PARD3B: variants seen among roughly 807,000 people sequenced by gnomAD.
PARD3B encodes the protein par-3 family cell polarity regulator beta, also known as partitioning defective 3 homolog B.
In PARD3B, 103 loss-of-function variants were observed where a neutral mutation model predicts 130.2. That is an observed-to-expected ratio of 0.79 (90% CI 0.67 to 0.93). The LOEUF (loss-of-function observed/expected upper bound fraction) is 0.93. Ranked by LOEUF, PARD3B falls within the 40% of genes least tolerant of loss-of-function variation. The pLI is 0.00. For missense variants in PARD3B, 1,609 were observed against 1,499.2 expected, an observed-to-expected ratio of 1.07 and a Z score of -1.21; for synonymous variants, 583 against 553.2, an observed-to-expected ratio of 1.05 and a Z score of -0.76.
intron 4 of PARD3B, among the ~76,000 whole-genome samples, chr2:205,068,127 TG>T (rs1434907430): frequency 6.6e-6 from 1 of 152,226 alleles, no homozygotes; most frequent in African/African-American, 2.4e-5. Context: ...TATGAACACC[TG>T]TTCAGTCTGG....
chr2:204,620,415 C>G (rs926583788), intron 1 of PARD3B, among the ~76,000 whole-genome samples: 2 of 152,334 alleles, frequency 1.3e-5, no homozygotes, highest in South Asian at 4.2e-4. Context: ...TTAAAGGCTA[C>G]AGCCCAGAAG....
intron 2 of PARD3B, among the ~76,000 whole-genome samples, chr2:204,737,400 G>A (rs1029606515): frequency 6.6e-6 from 1 of 152,156 alleles, no homozygotes. Flanking sequence ...TTTGAGAAAT[G>A]TCTATGTCTT....
chr2:205,607,453 C>T (rs1422471876), intron 22 of PARD3B, among the ~76,000 whole-genome samples: 1 of 152,118 alleles, frequency 6.6e-6, no homozygotes, highest in Non-Finnish European at 1.5e-5. Flanking sequence ...TGGGCTCTGC[C>T]ACTACCAGTG....
chr2:204,802,481 T>G (rs979989650), intron 2 of PARD3B, among the ~76,000 whole-genome samples: 1 of 152,090 alleles, frequency 6.6e-6, no homozygotes, highest in South Asian at 2.1e-4. Flanking sequence ...CCCAGCAATC[T>G]CATTACTGGG....
At chr2:204,821,308 C>T (rs2043342560) in intron 2 of PARD3B, among the ~76,000 whole-genome samples, 2 of 151,918 alleles carry the variant, frequency 1.3e-5, no homozygotes, top group South Asian at 4.2e-4. Context: ...CCCAAATGTC[C>T]AACAATGATA....
chr2:204,978,286 A>G (rs1398470186), intron 3 of PARD3B, among the ~76,000 whole-genome samples: 2 of 152,204 alleles, frequency 1.3e-5, no homozygotes, highest in Non-Finnish European at 2.9e-5. Context: ...ACACAGATCA[A>G]TAATGCTTTT....
At chr2:205,097,996 T>G (rs1702504820) in intron 4 of PARD3B, among the ~76,000 whole-genome samples, 1 of 152,184 alleles carries the variant, frequency 6.6e-6, no homozygotes, top group African/African-American at 2.4e-5. Flanking sequence ...TAACAGTGTT[T>G]AACAATCAAA....
chr2:204,667,456 C>A (rs902576460), intron 1 of PARD3B, among the ~76,000 whole-genome samples: 1 of 152,094 alleles, frequency 6.6e-6, no homozygotes, highest in Non-Finnish European at 1.5e-5. Context: ...CTAGGTCTGA[C>A]CTCTCTTCTG....
At chr2:205,095,253 T>G (rs1702328807) in intron 4 of PARD3B, among the ~76,000 whole-genome samples, 1 of 152,144 alleles carries the variant, frequency 6.6e-6, no homozygotes, top group Non-Finnish European at 1.5e-5. Flanking sequence ...TAGCTATAAC[T>G]GAATGTGGGA....
At position 205,301,221 on chromosome 2, in the gene PARD3B, C is replaced by T. The variant is rs917964735; in HGVS notation, c.2393-243C>T. On this transcript the variant is annotated intron_variant, in intron 17 of 22. Transcript: ENST00000406610. The surrounding 1 kb of genome is among the most constrained non-coding windows in gnomAD (Gnocchi z 5.2). ...GCTTTCAGAGAGATTAGTGCTTGAA[C>T]ACATATCAAGCCTTTCATACTACCA... Among the ~76,000 whole-genome samples the T allele has an allele frequency of 8.5e-5, 13 of 152,158 alleles. No individual in the cohort carries two copies. The highest frequency in any genetic ancestry group is 5.2e-4 in the Admixed American group (8 of 15,276).
chr2:204,957,051 C>T (rs150319799), intron 2 of PARD3B, among the ~76,000 whole-genome samples: 21 of 152,114 alleles, frequency 1.4e-4, no homozygotes, highest in South Asian at 4.2e-4. Flanking sequence ...AGATGTGAGT[C>T]GTGAATGTTG....
chr2:204,686,265 G>A lies in PARD3B; in HGVS notation c.205G>A (p.Val69Ile), dbSNP rs369184714. Residue 69 changes from valine (V) to isoleucine (I), a missense_variant, in exon 2 of 23, where the codon GTT becomes ATT. Physicochemically the swap from Val to Ile is conservative, Grantham distance 29 (BLOSUM62 3). Coordinates refer to ENST00000406610, the MANE Select transcript of PARD3B (RefSeq NM_001302769.2). ...TCCAGATGATGTCTTGGCAGATGTT[G>A]TTGAAGATAAAGACAAGGTAGATAA... The part of the protein sequence containing the change: ...LDPDDVLADV[V>I]EDKDKLIAVF... 1 of 1,609,652 alleles carries A rather than the reference G, an allele frequency of 6.2e-7. No homozygotes were observed. The highest frequency in any genetic ancestry group is 8.5e-7 in the Non-Finnish European group (1 of 1,176,156).
intron 4 of PARD3B, among the ~76,000 whole-genome samples, chr2:205,087,357 C>A (rs189521693): frequency 3.3e-5 from 5 of 152,286 alleles, no homozygotes; most frequent in Non-Finnish European, 1.5e-5. Context: ...AAATTAGCTG[C>A]TTCACTTCTT....
intron 2 of PARD3B, among the ~76,000 whole-genome samples, chr2:204,946,582 G>T (rs1236338915): frequency 6.6e-5 from 10 of 152,142 alleles, no homozygotes; most frequent in Non-Finnish European, 2.9e-5. Context: ...TTGTTCTAAT[G>T]CTTGGATGTT....
chr2:204,616,359 A>G (rs766509892), intron 1 of PARD3B, among the ~76,000 whole-genome samples: 6 of 152,242 alleles, frequency 3.9e-5, no homozygotes, highest in African/African-American at 1.4e-4. Flanking sequence ...AAATAAGCAC[A>G]TGAAAAGATG....
chr2:204,659,152 A>G (rs1043120862), intron 1 of PARD3B, among the ~76,000 whole-genome samples: 8 of 152,160 alleles, frequency 5.3e-5, no homozygotes, highest in African/African-American at 1.7e-4. Context: ...ATGTTATCAG[A>G]TACTCTTGAC....
intron 3 of PARD3B, among the ~76,000 whole-genome samples, chr2:205,027,346 C>T (rs983093942): frequency 6.6e-6 from 1 of 151,988 alleles, no homozygotes; most frequent in African/African-American, 2.4e-5. Flanking sequence ...ATCTGTTGGC[C>T]ATTTGTATGT....
At chr2:205,278,735 T>A (rs2041052891) in intron 16 of PARD3B, among the ~76,000 whole-genome samples, 1 of 152,080 alleles carries the variant, frequency 6.6e-6, no homozygotes, top group Admixed American at 6.6e-5. Flanking sequence ...TCAATTTAAT[T>A]CTAATTCAGA....
chr2:205,439,024 TA>T (rs1038748293), intron 19 of PARD3B, among the ~76,000 whole-genome samples: 5 of 152,088 alleles, frequency 3.3e-5, no homozygotes, highest in African/African-American at 1.2e-4. Context: ...CTCAGAAAAA[TA>T]AAAAACAAAA....
Sources: gnomAD v4.1 joint callset for allele counts (sites outside exome capture counted in the v4.1 genomes callset) on GRCh38, gnomAD v4.1.1 for gene constraint, Gnocchi (gnomAD v3.1) non-coding constraint, MANE v1.5 for transcripts, NCBI Gene and HGNC (gene_info 2026-07-23, HGNC 2026-07-21) for gene names.